The following AFF3 variants were observed in gnomAD, a reference collection of about 807,000 sequenced individuals.
The protein encoded by AFF3 is AF4/FMR2 family member 3.
A neutral mutation model predicts 129.7 loss-of-function variants in AFF3; 32 were observed. That is an observed-to-expected ratio of 0.25 (90% CI 0.19 to 0.33). AFF3 has a LOEUF of 0.33. Ranked by LOEUF, AFF3 falls within the 10% of genes least tolerant of loss-of-function variation. The pLI is 1.00. For missense variants in AFF3, 1,373 were observed against 1,592.0 expected, an observed-to-expected ratio of 0.86 and a Z score of 2.34; for synonymous variants, 644 against 635.4, an observed-to-expected ratio of 1.01 and a Z score of -0.20.
At chr2:99,920,765 T>C (rs1695804670) in intron 7 of AFF3, among the ~76,000 whole-genome samples, 1 of 151,966 alleles carries the variant, frequency 6.6e-6, no homozygotes, top group Non-Finnish European at 1.5e-5. Flanking sequence ...CTATTATTCA[T>C]CATGTGTATG....
At chr2:100,085,628 A>G (rs1215902685) in intron 4 of AFF3, among the ~76,000 whole-genome samples, 2 of 149,808 alleles carry the variant, frequency 1.3e-5, no homozygotes, top group Non-Finnish European at 3.0e-5. Context: ...AAATTTGATA[A>G]GCCCTGGACT....
At chr2:99,929,361 C>G (rs988978156) in intron 7 of AFF3, among the ~76,000 whole-genome samples, 4 of 139,330 alleles carry the variant, frequency 2.9e-5, no homozygotes, top group Non-Finnish European at 4.6e-5. Context: ...AATAAAAAGG[C>G]TTAGCAAGGG....
intron 2 of AFF3, chr2:100,106,122 C>A: frequency 8.0e-7 from 1 of 1,254,918 alleles, no homozygotes; most frequent in Non-Finnish European, 1.0e-6. Flanking sequence ...TATTTGAGAT[C>A]GGATTTGAGA....
intron 2 of AFF3, among the ~76,000 whole-genome samples, chr2:100,113,296 G>A (rs925431500): frequency 6.6e-6 from 1 of 152,210 alleles, no homozygotes; most frequent in Admixed American, 6.5e-5. Flanking sequence ...AAAGCCCACT[G>A]TCTAGAAGAT....
chr2:100,038,881 C>G (rs1226853431), intron 4 of AFF3, among the ~76,000 whole-genome samples: 2 of 151,942 alleles, frequency 1.3e-5, no homozygotes, highest in East Asian at 3.9e-4. Context: ...CACGACCACG[C>G]CCGGCTAATT....
chr2:100,113,858 T>C (rs904093650), intron 2 of AFF3, among the ~76,000 whole-genome samples: 1 of 151,934 alleles, frequency 6.6e-6, no homozygotes, highest in African/African-American at 2.4e-5. Context: ...AGGTTCTATG[T>C]GGTCAAAGTG....
chr2:99,899,075 T>C (rs1694180977), intron 7 of AFF3, among the ~76,000 whole-genome samples: 1 of 152,186 alleles, frequency 6.6e-6, no homozygotes, highest in Admixed American at 6.5e-5. Context: ...ACACAGATTG[T>C]CTTAATAAGT....
intron 7 of AFF3, among the ~76,000 whole-genome samples, chr2:99,920,396 T>C (rs1695774804): frequency 6.6e-6 from 1 of 152,012 alleles, no homozygotes; most frequent in Non-Finnish European, 1.5e-5. Context: ...ATCAGCGTAG[T>C]CCAATATATT....
intron 4 of AFF3, chr2:100,011,636 T>C (rs755392107): frequency 9.0e-6 from 7 of 776,392 alleles, no homozygotes; most frequent in Non-Finnish European, 1.7e-5. Context: ...TTGAGTATCT[T>C]AGCGTGCATG....
intron 4 of AFF3, among the ~76,000 whole-genome samples, chr2:100,011,178 G>T (rs1026760730): frequency 6.6e-6 from 1 of 152,200 alleles, no homozygotes; most frequent in Non-Finnish European, 1.5e-5. Flanking sequence ...GGAGGCTGAG[G>T]CAGGAGAACG....
chr2:99,770,304 T>C lies in AFF3; in HGVS notation c.922-18003A>G, dbSNP rs558206044. Among the ~76,000 whole-genome samples the C allele has an allele frequency of 6.6e-5, 10 of 152,272 alleles. No individual in the cohort carries two copies. The South Asian group carries it at 2.1e-3, about 32-fold the overall frequency. The stretch of plus-strand genomic sequence containing the variant: ...GGGATTACTGCCAGGCCACTGCCGA[T>C]GTTAACTTAATGCCCAAAGGCCCCT... On this transcript the variant is annotated intron_variant, in intron 8 of 24. Coordinates refer to ENST00000672756, the MANE Select transcript of AFF3 (RefSeq NM_001386135.1).
chr2:99,922,192 T>G (rs1293150775), intron 7 of AFF3, among the ~76,000 whole-genome samples: 1 of 152,170 alleles, frequency 6.6e-6, no homozygotes, highest in African/African-American at 2.4e-5. Context: ...AACACAAATC[T>G]ACTCCATAAC....
chr2:99,648,424 A>G (rs1354812089), intron 13 of AFF3, among the ~76,000 whole-genome samples: 4 of 152,214 alleles, frequency 2.6e-5, no homozygotes, highest in African/African-American at 9.6e-5. Flanking sequence ...GTTTTGATCT[A>G]GACTCTTTCC....
intron 13 of AFF3, among the ~76,000 whole-genome samples, chr2:99,644,011 C>A (rs1462336479): frequency 6.6e-6 from 1 of 152,226 alleles, no homozygotes; most frequent in Non-Finnish European, 1.5e-5. Flanking sequence ...AAGAGCACAG[C>A]CACACGGCTG....
At chr2:99,594,697 G>C (rs1232975468) in intron 14 of AFF3, among the ~76,000 whole-genome samples, 1 of 151,968 alleles carries the variant, frequency 6.6e-6, no homozygotes, top group African/African-American at 2.4e-5. Context: ...TTGTTTTTTT[G>C]GTGAGACTTA....
At position 100,016,815 on chromosome 2, in the gene AFF3, ATGGTGGTGG is replaced by A. The variant is rs532866460; in HGVS notation, c.54-7892_54-7884del. On this transcript the variant is annotated intron_variant, in intron 4 of 24. Coordinates refer to ENST00000672756, the MANE Select transcript of AFF3 (RefSeq NM_001386135.1). Reference sequence around the variant, plus strand: ...GGTAATGGTGATGGCAGTGATGCTGATGGTGGTGGTGGTGATGGTGGTAATGGTGGTGGT... The same window carrying A: ...GGTAATGGTGATGGCAGTGATGCTGATGGTGATGGTGGTAATGGTGGTGGT... Among the ~76,000 whole-genome samples the A allele has an allele frequency of 3.5e-5, 5 of 141,742 alleles. No individual in the cohort carries two copies. In the East Asian group the frequency reaches 1.1e-3, roughly 31 times the overall value. The allele number at this position is 141,742 out of a possible 152,430, so 93.0% of individuals were successfully genotyped here. A position where few individuals can be genotyped will look rare whatever the true frequency, so the allele number is the denominator to read the frequency against.
At chr2:99,766,449 T>A (rs1683030076) in intron 8 of AFF3, among the ~76,000 whole-genome samples, 1 of 152,202 alleles carries the variant, frequency 6.6e-6, no homozygotes, top group Non-Finnish European at 1.5e-5. Context: ...AGGATGACTT[T>A]ATAGGAAACA....
chr2:99,739,013 A>ATTTTTTT (rs55856427), intron 10 of AFF3, among the ~76,000 whole-genome samples: 10,836 of 138,260 alleles, frequency 0.078, 823 homozygotes, highest in Admixed American at 0.2. Flanking sequence ...GAACTGTTCA[A>ATTTTTTT]TTTTTTTTTT....
chr2:99,649,172 G>A lies in AFF3; in HGVS notation c.1184+454C>T, dbSNP rs143159151. ...AAGCAAGGAGTAAAAAGTCAAGCAC[G>A]TGGGACCGTGAGTTGTTGGGTTATG... On this transcript the variant is annotated intron_variant, in intron 13 of 24. Transcript: ENST00000672756. Among the ~76,000 whole-genome samples the A allele has an allele frequency of 3.0e-4, 46 of 152,294 alleles. 1 individual carries two copies. The East Asian group carries it at 8.1e-3, about 27-fold the overall frequency.
Sources: allele counts gnomAD v4.1 joint callset (sites outside exome capture counted in the v4.1 genomes callset), GRCh38; gene constraint gnomAD v4.1.1; transcripts MANE v1.5; gene names NCBI Gene and HGNC (gene_info 2026-07-23, HGNC 2026-07-21).